PTGR1: variants seen among roughly 807,000 people sequenced by gnomAD.
The protein encoded by PTGR1 is 15-oxoprostaglandin 13-reductase.
PTGR1 carries 23 observed loss-of-function variants against 37.7 expected under a neutral mutation model. That is an observed-to-expected ratio of 0.61 (90% CI 0.44 to 0.86). The LOEUF (loss-of-function observed/expected upper bound fraction) is 0.86. Among genes scored for constraint, PTGR1 ranks in the 40% least tolerant of loss-of-function variants. PTGR1 has a pLI of 0.00. For missense variants in PTGR1, 351 were observed against 394.3 expected (o/e 0.89, Z 0.93); for synonymous variants, 134 against 140.0 (o/e 0.96, Z 0.30).
At chr9:111,562,509 C>CAG (rs1828359792), downstream of PTGR1, 1 of 151,594 alleles carries the variant, frequency 6.6e-6, no homozygotes, top group South Asian at 2.1e-4. Flanking sequence ...CTGCTGACCT[C>CAG]GTGATCTGCC....
intron 4 of PTGR1, among the ~76,000 whole-genome samples, chr9:111,588,188 T>C (rs1829498619): frequency 7.1e-6 from 1 of 141,326 alleles, no homozygotes; most frequent in Non-Finnish European, 1.5e-5. Flanking sequence ...CACTACCACA[T>C]CCAGCTAATT....
At chr9:111,598,227 G>A (rs1258298085) in intron 1 of PTGR1, among the ~76,000 whole-genome samples, 1 of 152,196 alleles carries the variant, frequency 6.6e-6, no homozygotes, top group African/African-American at 2.4e-5. Context: ...AAGGGAAGAT[G>A]ATGAAGGCTG....
At chr9:111,586,288 G>T in intron 4 of PTGR1, 123 bp from the exon 5 acceptor site, 1 of 899,988 alleles carries the variant, frequency 1.1e-6, no homozygotes, top group Non-Finnish European at 1.8e-6. Flanking sequence ...ACAACTGATA[G>T]TCCACCACCC....
At chr9:111,570,039 A>T (rs896984297) in intron 9 of PTGR1, 52 bp downstream of exon 9, 1 of 1,609,030 alleles carries the variant, frequency 6.2e-7, no homozygotes, top group African/African-American at 1.3e-5. Context: ...TGAGAGGCAA[A>T]GGGAGTGTGA....
chr9:111,593,692 G>A (rs942545048), intron 3 of PTGR1, among the ~76,000 whole-genome samples: 2 of 151,972 alleles, frequency 1.3e-5, no homozygotes, highest in African/African-American at 4.8e-5. Context: ...TTTATGAGAC[G>A]GGGTCTTGCT....
At position 111,593,060 on chromosome 9, in the gene PTGR1, CG is replaced by C. The variant is rs1829672126; in HGVS notation, c.153-79del. On this transcript the variant is annotated intron_variant, in intron 3 of 9. Transcript: ENST00000407693. ...TTCCATTCTTAATACATAGGAGCAT[CG>C]GGGGACTGTTTTGAGTTTCAAGCCA... is the stretch of plus-strand genomic sequence containing the variant. 9 of 1,465,742 alleles carry C rather than the reference CG, an allele frequency of 6.1e-6. No homozygotes were observed. The East Asian group carries it at 2.4e-4, about 39-fold the overall frequency. 90.8% of individuals were successfully genotyped at this position (1,465,742 alleles called of 1,614,324 possible). A position where few individuals can be genotyped will look rare whatever the true frequency, so the allele number is the denominator to read the frequency against.
intron 4 of PTGR1, among the ~76,000 whole-genome samples, chr9:111,586,730 G>C (rs927485452): frequency 6.6e-6 from 1 of 151,450 alleles, no homozygotes; most frequent in African/African-American, 2.4e-5. Flanking sequence ...ACAACCTCCT[G>C]AGCACAAAAT....
Position 111,579,053 on chromosome 9 carries a change from TC to T in PTGR1, c.496-103del, listed in dbSNP as rs1017145019. 150 of 1,138,540 alleles carry T rather than the reference TC, an allele frequency of 1.3e-4. No homozygotes were observed. The Middle Eastern group carries it at 1.4e-3, about 11-fold the overall frequency. The allele number at this position is 1,138,540 out of a possible 1,614,324, so 70.5% of individuals were successfully genotyped here. On this transcript the variant is annotated intron_variant, in intron 6 of 9. Transcript: ENST00000407693. ...ATGCCTAGGTTCCCTAGGAACACTCTCTTAGGTGCTGAGCCACATATAAAAG... is the reference window on the plus strand; with the variant it reads ...ATGCCTAGGTTCCCTAGGAACACTCTTTAGGTGCTGAGCCACATATAAAAG...
At chr9:111,578,717 C>T (rs1829166232) in intron 7 of PTGR1, 79 bp downstream of exon 7, 1 of 1,317,782 alleles carries the variant, frequency 7.6e-7, no homozygotes, top group Non-Finnish European at 1.0e-6. Context: ...ACTAACCATC[C>T]ATGGCCCAGG....
At chr9:111,595,135 A>G (rs935507617) in intron 2 of PTGR1, among the ~76,000 whole-genome samples, 5 of 152,056 alleles carry the variant, frequency 3.3e-5, no homozygotes, top group East Asian at 1.9e-4. Context: ...GATTACAGGC[A>G]TGAGCCACCA....
chr9:111,597,415 C>A lies in PTGR1; in HGVS notation c.8G>T (p.Arg3Leu). 1 of 1,609,444 alleles carries A rather than the reference C, an allele frequency of 6.2e-7. No homozygotes were observed. The highest frequency in any genetic ancestry group is 1.1e-5 in the South Asian group (1 of 90,498). MV[R>L]TKTWTLKKHF... ...CTTCTTCAGGGTCCATGTCTTAGTA[C>A]GAACCATCCTGAAGCTCCTAGAACA... Residue 3 changes from arginine to leucine, a missense_variant, in exon 2 of 10, where the codon CGT (arginine) becomes CTT (leucine). Coordinates refer to ENST00000407693, the MANE Select transcript of PTGR1 (RefSeq NM_001146108.2).
chr9:111,567,113 T>C (rs1211635237), intron 9 of PTGR1, among the ~76,000 whole-genome samples: 1 of 149,102 alleles, frequency 6.7e-6, no homozygotes, highest in Non-Finnish European at 1.5e-5. Context: ...TCGGGGGGCG[T>C]GGGATATGGA....
In PTGR1 at chr9:111,592,955, A is replaced by G. The variant is rs781347205; in HGVS notation, c.180T>C (p.Gly60=). The change falls in exon 4 of 10, where the codon GGT becomes GGC. Residue 60 remains glycine (G), a synonymous_variant. Coordinates refer to ENST00000407693, the MANE Select transcript of PTGR1 (RefSeq NM_001146108.2). Reference sequence around the variant, plus strand: ...CCACTTGCTGCCCCATCATTGTATCACCTTCCTTCAATCTTTTGGCTGCCA... The same window carrying G: ...CCACTTGCTGCCCCATCATTGTATCGCCTTCCTTCAATCTTTTGGCTGCCA... The part of the protein sequence containing the change: ...MRVAAKRLKE[G]DTMMGQQVAK... The G allele has an allele frequency of 9.7e-6, 15 of 1,538,476 alleles. No individual in the cohort carries two copies. The highest frequency in any genetic ancestry group is 2.1e-4 in the Middle Eastern group (1 of 4,736).
In PTGR1 at chr9:111,562,929, T is replaced by G; in HGVS notation, c.*192A>C. ...CTGTAGTGAACAGTGAGGTGACTGG[T>G]TGTTGTTGACTTTGAAACTTCCATC... On this transcript the variant is annotated 3_prime_UTR_variant, in exon 10 of 10. Transcript: ENST00000407693. 1 of 1,381,390 alleles carries G rather than the reference T, an allele frequency of 7.2e-7. No individual in the cohort carries two copies. The highest frequency in any genetic ancestry group is 9.4e-7 in the Non-Finnish European group (1 of 1,067,576). 85.6% of individuals were successfully genotyped at this position (1,381,390 alleles called of 1,614,324 possible).
At chr9:111,555,366 A>G (rs998944916) in intron 9 of PTGR1, among the ~76,000 whole-genome samples, 1 of 152,124 alleles carries the variant, frequency 6.6e-6, no homozygotes, top group Non-Finnish European at 1.5e-5. Context: ...ACTTCCAGAA[A>G]ACCTGATGCC....
intron 5 of PTGR1, among the ~76,000 whole-genome samples, chr9:111,584,379 G>T (rs570062809): frequency 4.3e-4 from 66 of 152,200 alleles, no homozygotes; most frequent in Non-Finnish European, 3.2e-4. Flanking sequence ...GAGGGTACAG[G>T]GCGGGCAGGA....
intron 2 of PTGR1, among the ~76,000 whole-genome samples, chr9:111,597,102 A>G (rs749530100): frequency 7.9e-5 from 12 of 152,184 alleles, no homozygotes; most frequent in Non-Finnish European, 1.3e-4. Flanking sequence ...ATCAGCAGAC[A>G]TGTGAGCAAG....
intron 8 of PTGR1, among the ~76,000 whole-genome samples, chr9:111,570,424 C>A (rs1828761820): frequency 6.6e-6 from 1 of 152,070 alleles, no homozygotes; most frequent in Non-Finnish European, 1.5e-5. Context: ...TGTTCATATC[C>A]AAAAACCCCA....
intron 4 of PTGR1, among the ~76,000 whole-genome samples, chr9:111,590,312 G>A (rs1053968): frequency 0.17 from 25,858 of 152,042 alleles, 2,453 homozygotes; most frequent in Non-Finnish European, 0.23. Context: ...GACTGATGAT[G>A]AACAGTATAA....
Sources: allele counts gnomAD v4.1 joint callset (sites outside exome capture counted in the v4.1 genomes callset), GRCh38; gene constraint gnomAD v4.1.1; transcripts MANE v1.5; gene names NCBI Gene and HGNC (gene_info 2026-07-23, HGNC 2026-07-21).